Variants in SEMA6A observed in about 807,000 individuals in gnomAD.
The protein encoded by SEMA6A is semaphorin 6A, also known as semaphorin-6A.
Under a neutral mutation model 96.8 loss-of-function variants are expected in SEMA6A, and 25 were observed. That is an observed-to-expected ratio of 0.26 (90% CI 0.19 to 0.36). The LOEUF (loss-of-function observed/expected upper bound fraction) is 0.36. Among genes scored for constraint, SEMA6A ranks in the 10% least tolerant of loss-of-function variants. SEMA6A has a pLI of 1.00. For synonymous variants in SEMA6A, 612 were observed against 518.0 expected (o/e 1.18, Z -2.46); for missense variants, 1,363 against 1,323.1 (o/e 1.03, Z -0.47).
chr5:116,485,568 G>T (rs1485786059), intron 10 of SEMA6A, among the ~76,000 whole-genome samples: 3 of 152,134 alleles, frequency 2.0e-5, no homozygotes, highest in Admixed American at 6.5e-5. Context: ...ACTCTCATCC[G>T]CTGTATAATT....
chr5:116,454,789 AGTGTGTGT>A (rs10699953), intron 18 of SEMA6A, among the ~76,000 whole-genome samples: 2 of 150,386 alleles, frequency 1.3e-5, no homozygotes, highest in African/African-American at 2.4e-5. Flanking sequence ...TTTTCCTTTA[AGTGTGTGT>A]GTGTGTGTGT....
intron 15 of SEMA6A, among the ~76,000 whole-genome samples, chr5:116,476,189 T>C (rs1161673703): frequency 6.6e-6 from 1 of 152,156 alleles, no homozygotes; most frequent in East Asian, 1.9e-4. Context: ...CTCATTCTCT[T>C]TGACATGCTC....
At chr5:116,456,791 G>C (rs535279750) in intron 18 of SEMA6A, among the ~76,000 whole-genome samples, 3 of 152,328 alleles carry the variant, frequency 2.0e-5, no homozygotes, top group South Asian at 4.1e-4. Flanking sequence ...ATTGGACAGA[G>C]TGGCTTCCTT....
chr5:116,496,450 A>G, intron 4 of SEMA6A, 137 bp from the exon 5 acceptor site: 1 of 615,322 alleles, frequency 1.6e-6, no homozygotes, highest in Non-Finnish European at 2.7e-6. Flanking sequence ...TCCATGATTA[A>G]TTCACCGTAA....
intron 2 of SEMA6A, among the ~76,000 whole-genome samples, chr5:116,502,959 G>T (rs768951498): frequency 6.6e-6 from 1 of 152,178 alleles, no homozygotes; most frequent in African/African-American, 2.4e-5. Flanking sequence ...GACAGGACAG[G>T]GTCAAACTGA....
chr5:116,480,082 G>A, intron 12 of SEMA6A, 40 bp downstream of exon 12: 2 of 1,605,908 alleles, frequency 1.2e-6, no homozygotes, highest in Non-Finnish European at 1.7e-6. Flanking sequence ...ATGAGATGAA[G>A]TTAGGAAATC....
Position 116,446,711 on chromosome 5 carries a change from C to T in SEMA6A, c.2995G>A (p.Gly999Arg), listed in dbSNP as rs1217748785. The change falls in exon 19 of 19, where the codon GGG (glycine) becomes AGG (arginine). Residue 999 changes from glycine (G) to arginine (R), a missense_variant. By Grantham distance (125) the Gly-to-Arg change is moderately radical. Transcript: ENST00000343348. The stretch of plus-strand genomic sequence containing the variant: ...TTTAGCGAGGGCGTACGCTTCAGCC[C>T]CGACCTTGTCAGTGAGTTGTAGGCG... ...LNAYNSLTRS[G>R]LKRTPSLKPD... 5.0e-6 allele frequency: 8 copies of T among 1,595,358 alleles called. No homozygotes were observed. Among genetic ancestry groups the T allele is most frequent in the Middle Eastern group, 1.7e-4 (1 of 6,030 alleles).
intron 1 of SEMA6A, among the ~76,000 whole-genome samples, chr5:116,561,137 T>C (rs1162026650): frequency 6.6e-6 from 1 of 152,194 alleles, no homozygotes; most frequent in Non-Finnish European, 1.5e-5. Flanking sequence ...TGTTATCTCA[T>C]CTTTAAATTG....
Position 116,467,632 on chromosome 5 carries a change from G to T in SEMA6A, c.1845C>A (p.Ser615Arg), listed in dbSNP as rs1486977371. 1.2e-6 allele frequency: 2 copies of T among 1,613,544 alleles called. No individual in the cohort carries two copies. Among genetic ancestry groups the T allele is most frequent in the Admixed American group, 3.3e-5 (2 of 59,970 alleles). Residue 615 changes from serine to arginine, a missense_variant, in exon 18 of 19, where the codon AGC becomes AGA. Around this residue, in one of 2 missense-constraint regions of SEMA6A, gnomAD observed 883 missense variants for 763.6 expected, o/e 1.16. Transcript: ENST00000343348. ...AAGACACTGCCCCCAAAGGGTCTGT[G>T]CTGTCAGGTGAGTCAAGCAGATGCT... ...DWKHLLDSPD[S>R]TDPLGAVSSH... is the part of the protein sequence containing the mutation.
At chr5:116,465,547 C>G (rs1755675998) in intron 18 of SEMA6A, among the ~76,000 whole-genome samples, 1 of 152,136 alleles carries the variant, frequency 6.6e-6, no homozygotes, top group Non-Finnish European at 1.5e-5. Context: ...TGTTAAACAC[C>G]CATGCAGTCA....
At chr5:116,487,034 G>A in intron 9 of SEMA6A, 68 bp from the exon 10 acceptor site, 1 of 1,120,078 alleles carries the variant, frequency 8.9e-7, no homozygotes, top group Non-Finnish European at 1.3e-6. Flanking sequence ...AGTAGAATCT[G>A]CATTCCTTGA....
At chr5:116,447,887 GTTAA>G (rs952901956) in intron 18 of SEMA6A, 76 bp from the exon 19 acceptor site, 160 of 1,210,118 alleles carry the variant, frequency 1.3e-4, no homozygotes, top group Non-Finnish European at 1.8e-4. Context: ...CATTCACCTT[GTTAA>G]TTAATAACAG....
chr5:116,571,044 G>A (rs1283343411), intron 1 of SEMA6A, among the ~76,000 whole-genome samples: 2 of 152,260 alleles, frequency 1.3e-5, no homozygotes, highest in South Asian at 2.1e-4. Flanking sequence ...TGAGGGGTGT[G>A]TGTTGTGTGT....
intron 18 of SEMA6A, among the ~76,000 whole-genome samples, chr5:116,459,545 C>T (rs1164742237): frequency 1.3e-5 from 2 of 152,152 alleles, no homozygotes; most frequent in Admixed American, 6.6e-5. Context: ...TCACCACACA[C>T]TCCTTGCCTC....
chr5:116,488,726 G>A (rs1561491503), intron 8 of SEMA6A, among the ~76,000 whole-genome samples, 162 bp downstream of exon 8: 1 of 152,156 alleles, frequency 6.6e-6, no homozygotes, highest in Non-Finnish European at 1.5e-5. Flanking sequence ...AAAAAGGGAG[G>A]TAAATAAATC....
chr5:116,478,365 C>T, intron 13 of SEMA6A, 177 bp downstream of exon 13: 1 of 782,974 alleles, frequency 1.3e-6, no homozygotes. Context: ...TATAAACACA[C>T]ACACACACAT....
At chr5:116,469,243 G>C (rs901848764) in intron 17 of SEMA6A, 2 of 152,118 alleles carry the variant, frequency 1.3e-5, no homozygotes. Flanking sequence ...AAAATAGTCT[G>C]CTTCGTATCC....
chr5:116,458,306 A>C (rs1346722725), intron 18 of SEMA6A, among the ~76,000 whole-genome samples: 2 of 152,208 alleles, frequency 1.3e-5, no homozygotes, highest in Non-Finnish European at 2.9e-5. Context: ...TGTTAATAAG[A>C]TCACACTTAA....
At chr5:116,545,933 C>T (rs1760168274) in intron 1 of SEMA6A, among the ~76,000 whole-genome samples, 1 of 152,184 alleles carries the variant, frequency 6.6e-6, no homozygotes, top group South Asian at 2.1e-4. Flanking sequence ...GGGTTAATGG[C>T]ATAAGTCCTC....
Sources: gnomAD v4.1 joint callset for allele counts (sites outside exome capture counted in the v4.1 genomes callset) on GRCh38, gnomAD v4.1.1 for gene constraint, gnomAD v4.1.1 regional missense constraint, MANE v1.5 for transcripts, NCBI Gene and HGNC (gene_info 2026-07-23, HGNC 2026-07-21) for gene names.